The following EDIL3 variants were observed in gnomAD, a reference collection of about 807,000 sequenced individuals.
The protein encoded by EDIL3 is EGF like and discoidin domains 3.
A neutral mutation model predicts 67.4 loss-of-function variants in EDIL3; 37 were observed. The observed-to-expected ratio is 0.55, with a 90% CI of 0.42 to 0.72. EDIL3 has a LOEUF of 0.72. Among genes scored for constraint, EDIL3 ranks in the 30% least tolerant of loss-of-function variants. EDIL3 has a pLI of 0.00. For missense variants in EDIL3, 527 were observed against 586.3 expected (o/e 0.90, Z 1.04); for synonymous variants, 195 against 196.3 (o/e 0.99, Z 0.05).
intron 4 of EDIL3, among the ~76,000 whole-genome samples, chr5:84,169,816 G>C (rs960654749): frequency 9.2e-5 from 14 of 151,956 alleles, no homozygotes; most frequent in African/African-American, 3.1e-4. Context: ...TGCAATTCTA[G>C]ATTTCAGGCA....
chr5:84,294,079 T>C (rs1481394335), intron 1 of EDIL3, among the ~76,000 whole-genome samples: 1 of 151,916 alleles, frequency 6.6e-6, no homozygotes, highest in African/African-American at 2.4e-5. Context: ...TATACCATAA[T>C]GACCATAAAT....
At chr5:84,000,381 G>A (rs901063977) in intron 9 of EDIL3, among the ~76,000 whole-genome samples, 4 of 152,030 alleles carry the variant, frequency 2.6e-5, no homozygotes, top group African/African-American at 7.2e-5. Flanking sequence ...AATATGAATC[G>A]AAACAACAAA....
chr5:84,298,817 C>G (rs1432810933), intron 1 of EDIL3, among the ~76,000 whole-genome samples: 1 of 152,124 alleles, frequency 6.6e-6, no homozygotes, highest in Non-Finnish European at 1.5e-5. Flanking sequence ...ACACTCTGTT[C>G]CCTTGGGTGC....
intron 1 of EDIL3, among the ~76,000 whole-genome samples, chr5:84,382,037 A>C (rs1748086685): frequency 6.6e-6 from 1 of 152,198 alleles, no homozygotes; most frequent in Non-Finnish European, 1.5e-5. Flanking sequence ...CGGAAGTTTA[A>C]TTGTTTGGAG....
At chr5:84,072,120 A>G (rs1251040419) in intron 6 of EDIL3, among the ~76,000 whole-genome samples, 1 of 152,162 alleles carries the variant, frequency 6.6e-6, no homozygotes, top group African/African-American at 2.4e-5. Context: ...TCTATTCATG[A>G]CACTAGATTT....
chr5:84,052,733 G>A (rs1204346888), intron 9 of EDIL3, among the ~76,000 whole-genome samples: 1 of 152,140 alleles, frequency 6.6e-6, no homozygotes, highest in Non-Finnish European at 1.5e-5. Context: ...TAACGGTGAA[G>A]GAATCAATTC....
chr5:84,065,336 C>T (rs1184336451), intron 7 of EDIL3, among the ~76,000 whole-genome samples: 1 of 152,070 alleles, frequency 6.6e-6, no homozygotes, highest in African/African-American at 2.4e-5. Context: ...TCAACCAGTC[C>T]CATGTACTTG....
At chr5:83,997,521 T>C (rs1419784141) in intron 9 of EDIL3, among the ~76,000 whole-genome samples, 1 of 152,068 alleles carries the variant, frequency 6.6e-6, no homozygotes, top group Non-Finnish European at 1.5e-5. Context: ...AGAATAAAGA[T>C]GGAATTTAGA....
chr5:84,296,906 G>A (rs538707239), intron 1 of EDIL3, among the ~76,000 whole-genome samples: 1 of 152,278 alleles, frequency 6.6e-6, no homozygotes, highest in African/African-American at 2.4e-5. Context: ...AAACAGGTCA[G>A]GTTCGCTGGC....
At chr5:84,124,508 C>G (rs1362845050) in intron 5 of EDIL3, among the ~76,000 whole-genome samples, 1 of 151,820 alleles carries the variant, frequency 6.6e-6, no homozygotes. Context: ...AAAACTCTAT[C>G]GGAGATGCTA....
chr5:84,106,880 T>C (rs1747476288), intron 5 of EDIL3, 50 bp from the exon 6 acceptor site: 1 of 1,532,824 alleles, frequency 6.5e-7, no homozygotes, highest in Non-Finnish European at 8.8e-7. Context: ...ACAATGCATA[T>C]ACAACATGTG....
chr5:83,970,049 C>G (rs2112136722), intron 9 of EDIL3, among the ~76,000 whole-genome samples: 1 of 151,654 alleles, frequency 6.6e-6, no homozygotes. Context: ...TTCCCATGCC[C>G]TCTAACTTCC....
chr5:84,262,667 T>TTTTTTTTTTTTTTTTTG (rs1745254427), intron 1 of EDIL3, among the ~76,000 whole-genome samples: 1 of 100,888 alleles, frequency 9.9e-6, no homozygotes, highest in African/African-American at 4.4e-5. Context: ...TGGTTTTTTT[T>TTTTTTTTTTTTTTTTTG]TTTTTTTTTT....
At chr5:84,011,549 AG>A (rs1745516966) in intron 9 of EDIL3, among the ~76,000 whole-genome samples, 1 of 152,180 alleles carries the variant, frequency 6.6e-6, no homozygotes, top group South Asian at 2.1e-4. Flanking sequence ...AAACAAGTTC[AG>A]GTTACTTCTT....
intron 1 of EDIL3, among the ~76,000 whole-genome samples, chr5:84,364,657 T>C (rs147653669): frequency 6.6e-6 from 1 of 152,206 alleles, no homozygotes; most frequent in African/African-American, 2.4e-5. Flanking sequence ...ATTTATATAG[T>C]ACCCCAAATA....
intron 9 of EDIL3, among the ~76,000 whole-genome samples, chr5:84,051,611 T>A (rs1441922107): frequency 1.3e-5 from 2 of 152,290 alleles, no homozygotes; most frequent in African/African-American, 4.8e-5. Flanking sequence ...AAGAAGTCCT[T>A]AAAGGACCTG....
At chr5:84,064,072 ACT>A (rs1277847680) in intron 8 of EDIL3, among the ~76,000 whole-genome samples, 1 of 152,086 alleles carries the variant, frequency 6.6e-6, no homozygotes, top group African/African-American at 2.4e-5. Flanking sequence ...GAATTATTTA[ACT>A]CTGAGTCCTT....
At chr5:84,373,818 A>T (rs1247510539) in intron 1 of EDIL3, among the ~76,000 whole-genome samples, 2 of 152,244 alleles carry the variant, frequency 1.3e-5, no homozygotes, top group Middle Eastern at 3.4e-3. Context: ...AGAGACAGAA[A>T]CTCTGAGAAA....
intron 5 of EDIL3, among the ~76,000 whole-genome samples, chr5:84,114,126 G>C (rs1747622188): frequency 6.7e-6 from 1 of 150,084 alleles, no homozygotes; most frequent in African/African-American, 2.5e-5. Flanking sequence ...GCTGTGGCCT[G>C]AGGGTTTAAA....
Sources: gnomAD v4.1 joint callset for allele counts (sites outside exome capture counted in the v4.1 genomes callset) on GRCh38, gnomAD v4.1.1 for gene constraint, MANE v1.5 for transcripts, NCBI Gene and HGNC (gene_info 2026-07-23, HGNC 2026-07-21) for gene names.